The following CTNNBL1 variants were observed in gnomAD, a reference collection of about 807,000 sequenced individuals.
The protein encoded by CTNNBL1 is beta-catenin-like protein 1.
Under a neutral mutation model 72.7 loss-of-function variants are expected in CTNNBL1, and 31 were observed. That is an observed-to-expected ratio of 0.43 (90% CI 0.32 to 0.58). The LOEUF (loss-of-function observed/expected upper bound fraction) is 0.58. CTNNBL1 is among the 20% of genes least tolerant of loss of function. The pLI is 0.08. For synonymous variants in CTNNBL1, 240 were observed against 267.3 expected (o/e 0.90, Z 1.00); for missense variants, 534 against 725.1 (o/e 0.74, Z 3.03).
At chr20:37,839,303 T>C (rs1014703809) in intron 11 of CTNNBL1, among the ~76,000 whole-genome samples, 36 of 152,316 alleles carry the variant, frequency 2.4e-4, no homozygotes, top group Non-Finnish European at 3.1e-4. Flanking sequence ...AATAAACTGT[T>C]TGTTGTTCAC....
Position 37,840,106 on chromosome 20 carries a change from T to C in CTNNBL1, c.1218T>C (p.His406=), listed in dbSNP as rs763854569. The part of the protein sequence containing the change: ...VGTTEKEHEE[H]VCSILASLLR... ...CTTTTCTCTTTCCCAACCCAGAGCA[T>C]GTCTGTTCGATCCTGGCTTCCCTCC... Residue 406 remains histidine (H), a synonymous_variant, in exon 12 of 16, where the codon CAT becomes CAC. Transcript: ENST00000361383. 2 of 1,612,780 alleles carry C rather than the reference T, an allele frequency of 1.2e-6. No individual in the cohort carries two copies. Among genetic ancestry groups the C allele is most frequent in the South Asian group, 1.1e-5 (1 of 91,040 alleles).
chr20:37,802,753 A>C (rs897670469), intron 10 of CTNNBL1, 114 bp from the exon 11 acceptor site: 3 of 795,718 alleles, frequency 3.8e-6, no homozygotes, highest in Non-Finnish European at 6.0e-6. Context: ...GTTAACAAGT[A>C]TGTAATATTT....
chr20:37,756,314 G>C (rs1359524765), intron 4 of CTNNBL1: 1 of 152,238 alleles, frequency 6.6e-6, no homozygotes, highest in Non-Finnish European at 1.5e-5. Flanking sequence ...GGCCCAGAAT[G>C]AAGAATGGAT....
intron 1 of CTNNBL1, among the ~76,000 whole-genome samples, chr20:37,730,542 G>C (rs915994076): frequency 6.6e-6 from 1 of 152,208 alleles, no homozygotes; most frequent in Non-Finnish European, 1.5e-5. Flanking sequence ...GGAGTAAGTT[G>C]AGCTGAATGG....
intron 11 of CTNNBL1, among the ~76,000 whole-genome samples, chr20:37,821,289 T>C (rs1023455838): frequency 6.6e-6 from 1 of 152,236 alleles, no homozygotes; most frequent in African/African-American, 2.4e-5. Context: ...CTTGCTTGTT[T>C]CCACTCAGCT....
At chr20:37,837,250 A>T (rs1178586900) in intron 11 of CTNNBL1, among the ~76,000 whole-genome samples, 1 of 151,986 alleles carries the variant, frequency 6.6e-6, no homozygotes, top group Admixed American at 6.6e-5. Flanking sequence ...CCCTGGGTTC[A>T]TGGGGTTTTT....
chr20:37,734,876 G>A (rs2073158968), intron 2 of CTNNBL1, among the ~76,000 whole-genome samples: 1 of 152,178 alleles, frequency 6.6e-6, no homozygotes. Context: ...AGGAGGGAAG[G>A]CCAAACCCCG....
At chr20:37,857,786 G>A (rs1003826765) in intron 13 of CTNNBL1, among the ~76,000 whole-genome samples, 19 of 152,134 alleles carry the variant, frequency 1.2e-4, no homozygotes, top group Non-Finnish European at 2.9e-5. Flanking sequence ...TTATGAAATG[G>A]ATTGTTGCCA....
intron 7 of CTNNBL1, among the ~76,000 whole-genome samples, chr20:37,775,800 A>G (rs1261290692): frequency 2.0e-5 from 3 of 152,204 alleles, no homozygotes; most frequent in Non-Finnish European, 4.4e-5. Flanking sequence ...TGAATAAAGG[A>G]CAAGAGGCAT....
At chr20:37,799,718 GA>G (rs2073807833) in intron 10 of CTNNBL1, among the ~76,000 whole-genome samples, 1 of 152,176 alleles carries the variant, frequency 6.6e-6, no homozygotes. Context: ...GCTGCATAAA[GA>G]CATATGCTCA....
In CTNNBL1 at chr20:37,842,159, C is replaced by T. The variant is rs1055231562; in HGVS notation, c.1312-180C>T. Reference sequence around the variant, plus strand: ...TCCTAAGTGTTTGCTTTGTTCTGCCCCAGCCCTTTGATCCATTCCTGATGT... The same window carrying T: ...TCCTAAGTGTTTGCTTTGTTCTGCCTCAGCCCTTTGATCCATTCCTGATGT... On this transcript the variant is annotated intron_variant, in intron 12 of 15. Coordinates refer to ENST00000361383, the MANE Select transcript of CTNNBL1 (RefSeq NM_030877.5). The T allele has an allele frequency of 3.0e-5, 18 of 591,992 alleles. No homozygotes were observed. The African/African-American group carries it at 3.2e-4, about 10-fold the overall frequency. 36.7% of individuals were successfully genotyped at this position (591,992 alleles called of 1,614,324 possible). A position where few individuals can be genotyped will look rare whatever the true frequency, so the allele number is the denominator to read the frequency against.
chr20:37,867,769 C>T (rs1314157199), intron 15 of CTNNBL1, among the ~76,000 whole-genome samples: 3 of 152,278 alleles, frequency 2.0e-5, no homozygotes, highest in Non-Finnish European at 4.4e-5. Context: ...TGGGAGGACT[C>T]TGTTCAATAT....
Position 37,840,103 on chromosome 20 carries a change from G to C in CTNNBL1, c.1215G>C (p.Glu405Asp). ...TCTCTTTTCTCTTTCCCAACCCAGA[G>C]CATGTCTGTTCGATCCTGGCTTCCC... ...KVGTTEKEHE[E>D]HVCSILASLL... Residue 405 changes from glutamate to aspartate, a missense_variant and splice_region_variant, in exon 12 of 16, where the codon GAG (glutamate) becomes GAC (aspartate). Physicochemically the swap from Glu to Asp is conservative, Grantham distance 45. Coordinates refer to ENST00000361383, the MANE Select transcript of CTNNBL1 (RefSeq NM_030877.5). 6.2e-7 allele frequency: 1 copy of C among 1,612,110 alleles called. No homozygotes were observed. Among genetic ancestry groups the C allele is most frequent in the Non-Finnish European group, 8.5e-7 (1 of 1,178,264 alleles).
chr20:37,767,197 C>T (rs189637547), intron 6 of CTNNBL1, among the ~76,000 whole-genome samples: 8 of 151,744 alleles, frequency 5.3e-5, no homozygotes, highest in Admixed American at 4.6e-4. Flanking sequence ...TTCCAGGATA[C>T]GGATTGGAAG....
intron 1 of CTNNBL1, among the ~76,000 whole-genome samples, chr20:37,701,547 G>A (rs1192007382): frequency 1.3e-5 from 2 of 152,160 alleles, no homozygotes; most frequent in African/African-American, 4.8e-5. Flanking sequence ...TATGGAAAGG[G>A]GATATATCGA....
chr20:37,820,999 C>T (rs994851592), intron 11 of CTNNBL1, among the ~76,000 whole-genome samples: 6 of 152,258 alleles, frequency 3.9e-5, no homozygotes, highest in East Asian at 1.9e-4. Flanking sequence ...CTTCTCTTGC[C>T]GGTACCACCT....
At chr20:37,818,229 C>A (rs2072076476) in intron 11 of CTNNBL1, among the ~76,000 whole-genome samples, 1 of 152,178 alleles carries the variant, frequency 6.6e-6, no homozygotes, top group Non-Finnish European at 1.5e-5. Context: ...GAGACAGTGA[C>A]CCACCTCAGA....
At chr20:37,819,961 G>A (rs891932051) in intron 11 of CTNNBL1, among the ~76,000 whole-genome samples, 5 of 142,024 alleles carry the variant, frequency 3.5e-5, no homozygotes, top group Non-Finnish European at 6.0e-5. Context: ...TGCAACCTCC[G>A]CATCCCGGGT....
chr20:37,705,376 C>A (rs1473410069), intron 1 of CTNNBL1, among the ~76,000 whole-genome samples: 2 of 152,194 alleles, frequency 1.3e-5, no homozygotes, highest in Non-Finnish European at 2.9e-5. Flanking sequence ...CAGTGCCTGA[C>A]ACATAGTGAG....
Sources: allele counts gnomAD v4.1 joint callset (sites outside exome capture counted in the v4.1 genomes callset), GRCh38; gene constraint gnomAD v4.1.1; transcripts MANE v1.5; gene names NCBI Gene and HGNC (gene_info 2026-07-23, HGNC 2026-07-21).